TMEM178B: variants seen among roughly 807,000 people sequenced by gnomAD.
TMEM178B encodes the protein transmembrane protein 178B.
In TMEM178B, 5 loss-of-function variants were observed where a neutral mutation model predicts 31.0. The ratio of observed to expected loss-of-function variants is 0.16; its 90% CI spans 0.08 to 0.34. The LOEUF is 0.34. TMEM178B is among the 10% of genes least tolerant of loss of function. The pLI is 1.00. For missense variants in TMEM178B, 275 were observed against 400.3 expected (o/e 0.69, Z 2.67); for synonymous variants, 164 against 164.0 (o/e 1.00, Z 0.00).
intron 1 of TMEM178B, among the ~76,000 whole-genome samples, chr7:141,150,227 G>A (rs1326456584): frequency 2.0e-5 from 3 of 152,114 alleles, no homozygotes; most frequent in Non-Finnish European, 4.4e-5. Context: ...AGTCACCCAG[G>A]GAGAGGAAGT....
chr7:141,191,368 CTG>C (rs1231149130), intron 1 of TMEM178B, among the ~76,000 whole-genome samples: 1 of 152,244 alleles, frequency 6.6e-6, no homozygotes, highest in African/African-American at 2.4e-5. Flanking sequence ...AAATTACTAA[CTG>C]TGGAATTTCT....
chr7:141,149,619 C>T (rs1402586926), intron 1 of TMEM178B, among the ~76,000 whole-genome samples: 3 of 152,094 alleles, frequency 2.0e-5, no homozygotes, highest in East Asian at 1.9e-4. Flanking sequence ...ATGGGCCTAA[C>T]GTAATGTGAT....
intron 1 of TMEM178B, among the ~76,000 whole-genome samples, chr7:141,081,462 C>T (rs965614077): frequency 1.3e-5 from 2 of 151,950 alleles, no homozygotes; most frequent in African/African-American, 4.8e-5. Flanking sequence ...TGGTGAAACC[C>T]CGTCTCTACT....
intron 2 of TMEM178B, among the ~76,000 whole-genome samples, chr7:141,398,078 A>C (rs1042913053): frequency 6.6e-6 from 1 of 152,128 alleles, no homozygotes; most frequent in Non-Finnish European, 1.5e-5. Flanking sequence ...CACCAAGGCA[A>C]GTTTGGGGAG....
At chr7:141,199,295 T>C (rs1321774837) in intron 1 of TMEM178B, among the ~76,000 whole-genome samples, 2 of 152,220 alleles carry the variant, frequency 1.3e-5, no homozygotes, top group Non-Finnish European at 2.9e-5. Flanking sequence ...TGAAATGTTA[T>C]AGGTTGCTGC....
In TMEM178B at chr7:141,152,739, T is replaced by G. The variant is rs551608023; in HGVS notation, c.383-59852T>G. On this transcript the variant is annotated intron_variant, in intron 1 of 3. Transcript: ENST00000565468. ...CCTTGGACACAGCTGGCCTTTCCAC[T>G]GGACAGGCAGTTAGGTAGACTCTAT... is the stretch of plus-strand genomic sequence containing the variant. 3.9e-5 allele frequency among the ~76,000 whole-genome samples: 6 copies of G among 152,340 alleles called. No individual in the cohort carries two copies. In the East Asian group the frequency reaches 1.2e-3, roughly 29 times the overall value.
At chr7:141,229,512 C>T (rs1797406543) in intron 2 of TMEM178B, among the ~76,000 whole-genome samples, 1 of 152,016 alleles carries the variant, frequency 6.6e-6, no homozygotes, top group Non-Finnish European at 1.5e-5. Flanking sequence ...TTGCGTTTTC[C>T]ATCGGCTTAT....
intron 2 of TMEM178B, among the ~76,000 whole-genome samples, chr7:141,395,263 A>G (rs1323242045): frequency 6.6e-6 from 1 of 152,016 alleles, no homozygotes; most frequent in Non-Finnish European, 1.5e-5. Flanking sequence ...ATATGGTGAA[A>G]CCCCATCTCT....
intron 1 of TMEM178B, among the ~76,000 whole-genome samples, chr7:141,168,085 T>C (rs1000886745): frequency 6.6e-6 from 1 of 152,184 alleles, no homozygotes; most frequent in Non-Finnish European, 1.5e-5. Flanking sequence ...TTTCATGACA[T>C]CCCTGCGAGA....
chr7:141,168,946 A>G (rs1267519300), intron 1 of TMEM178B, among the ~76,000 whole-genome samples: 1 of 152,244 alleles, frequency 6.6e-6, no homozygotes, highest in Admixed American at 6.5e-5. Context: ...TGGGATACCC[A>G]TTACCTCAAA....
intron 2 of TMEM178B, among the ~76,000 whole-genome samples, chr7:141,311,681 C>G (rs1289136485): frequency 6.6e-6 from 1 of 151,962 alleles, no homozygotes; most frequent in African/African-American, 2.4e-5. Flanking sequence ...CTATTTTTTT[C>G]TGGTTCAATT....
intron 2 of TMEM178B, among the ~76,000 whole-genome samples, chr7:141,327,752 C>T (rs1402586206): frequency 2.0e-5 from 3 of 152,056 alleles, no homozygotes; most frequent in Non-Finnish European, 2.9e-5. Flanking sequence ...TGTGGGTTCC[C>T]TATAAAAGGA....
At chr7:141,389,828 C>T (rs1800501950) in intron 2 of TMEM178B, among the ~76,000 whole-genome samples, 1 of 152,320 alleles carries the variant, frequency 6.6e-6, no homozygotes, top group Middle Eastern at 3.4e-3. Context: ...GGGGAAAAGG[C>T]TGTTCCTAGT....
chr7:141,077,112 T>C (rs1794611425), intron 1 of TMEM178B, among the ~76,000 whole-genome samples: 1 of 152,216 alleles, frequency 6.6e-6, no homozygotes, highest in Non-Finnish European at 1.5e-5. Flanking sequence ...TTTTTACACT[T>C]AGTGTTCCTC....
chr7:141,132,418 G>A (rs1016811454), intron 1 of TMEM178B, among the ~76,000 whole-genome samples: 2 of 152,172 alleles, frequency 1.3e-5, no homozygotes, highest in Admixed American at 6.5e-5. Context: ...AAGTAAACAT[G>A]TTACACTTTA....
chr7:141,162,965 A>AT (rs1420332451), intron 1 of TMEM178B, among the ~76,000 whole-genome samples: 1 of 152,208 alleles, frequency 6.6e-6, no homozygotes, highest in Non-Finnish European at 1.5e-5. Context: ...CCAAAAATAG[A>AT]TTCCCTTCAA....
chr7:141,333,738 T>C (rs60224406), intron 2 of TMEM178B, among the ~76,000 whole-genome samples: 15,561 of 152,232 alleles, frequency 0.1, 1,744 homozygotes, highest in African/African-American at 0.28. Context: ...TCATGGAAGA[T>C]AATTTTTCCG....
At position 141,341,214 on chromosome 7, in the gene TMEM178B, C is replaced by G. The variant is rs539835744; in HGVS notation, c.497-96394C>G. 8.5e-5 allele frequency among the ~76,000 whole-genome samples: 13 copies of G among 152,196 alleles called. No individual in the cohort carries two copies. The South Asian group carries it at 2.7e-3, about 32-fold the overall frequency. On this transcript the variant is annotated intron_variant, in intron 2 of 3. Coordinates refer to ENST00000565468, the MANE Select transcript of TMEM178B (RefSeq NM_001195278.2). Reference sequence around the variant, plus strand: ...TTGTTTCTATGGAAACTGGCAGAGACAAAAGGCCACAAAAATGAAGGAATA... The same window carrying G: ...TTGTTTCTATGGAAACTGGCAGAGAGAAAAGGCCACAAAAATGAAGGAATA...
intron 1 of TMEM178B, among the ~76,000 whole-genome samples, chr7:141,134,652 A>G (rs1795646499): frequency 6.6e-6 from 1 of 152,226 alleles, no homozygotes; most frequent in Admixed American, 6.5e-5. Context: ...ACAATGAACA[A>G]TAATGACAGT....
Sources: allele counts gnomAD v4.1 joint callset (sites outside exome capture counted in the v4.1 genomes callset), GRCh38; gene constraint gnomAD v4.1.1; transcripts MANE v1.5; gene names NCBI Gene and HGNC (gene_info 2026-07-23, HGNC 2026-07-21).